The following BORCS8 variants were observed in gnomAD, a reference collection of about 807,000 sequenced individuals.
BORCS8 encodes BLOC-1-related complex subunit 8.
BORCS8 carries 13 observed loss-of-function variants against 18.7 expected under a neutral mutation model. The ratio of observed to expected loss-of-function variants is 0.70; its 90% CI spans 0.45 to 1.11. The LOEUF is 1.11. Among genes scored for constraint, BORCS8 ranks in the 50% least tolerant of loss-of-function variants. BORCS8 has a pLI of 0.00. For synonymous variants in BORCS8, 68 were observed against 64.8 expected, an observed-to-expected ratio of 1.05 and a Z score of -0.24; for missense variants, 165 against 165.7, an observed-to-expected ratio of 1.00 and a Z score of 0.02.
At position 19,182,500 on chromosome 19, in the gene BORCS8, G is replaced by T. The variant is rs967801938; in HGVS notation, c.326+73C>A. 116 of 1,505,110 alleles carry T rather than the reference G, an allele frequency of 7.7e-5. No individual in the cohort carries two copies. Among genetic ancestry groups the T allele is most frequent in the Non-Finnish European group, 9.3e-5 (105 of 1,127,144 alleles). The allele number at this position is 1,505,110 out of a possible 1,614,324, so 93.2% of individuals were successfully genotyped here. A position where few individuals can be genotyped will look rare whatever the true frequency, so the allele number is the denominator to read the frequency against. On this transcript the variant is annotated intron_variant, in intron 4 of 5. Coordinates refer to ENST00000462790, the MANE Select transcript of BORCS8 (RefSeq NM_001145784.2). This position sits in a 1 kb window ranked among gnomAD's most constrained non-coding sequence, Gnocchi z 4.1. ...AGTTTTCTAATAAGCGAGAAGCAGC[G>T]GTTCCCAGCGCAGCTGAGAGACGGT...
rs1157078292 is a variant in BORCS8, at chr19:19,182,763, C to G, written c.216-80G>C. 1.4e-6 allele frequency: 2 copies of G among 1,462,370 alleles called. No homozygotes were observed. The highest frequency in any genetic ancestry group is 1.8e-6 in the Non-Finnish European group (2 of 1,101,536). 90.6% of individuals were successfully genotyped at this position (1,462,370 alleles called of 1,614,324 possible). A position where few individuals can be genotyped will look rare whatever the true frequency, so the allele number is the denominator to read the frequency against. ...ACACCCCAGCACTTGAGGTCACCAC[C>G]AGGGCTCGGTGGGTACCTCAGTGAT... is the stretch of plus-strand genomic sequence containing the variant. On this transcript the variant is annotated intron_variant, in intron 3 of 5. Transcript: ENST00000462790. The surrounding 1 kb of genome is among the most constrained non-coding windows in gnomAD (Gnocchi z 4.1).
chr19:19,180,639 T>C, intron 5 of BORCS8, 47 bp downstream of exon 5: 2 of 1,336,450 alleles, frequency 1.5e-6, no homozygotes, highest in Non-Finnish European at 2.1e-6. Context: ...GGCGGGTTGG[T>C]TAGTTCAGAG....
At chr19:19,180,538 C>A in intron 5 of BORCS8, 148 bp downstream of exon 5, 1 of 660,082 alleles carries the variant, frequency 1.5e-6, no homozygotes, top group Admixed American at 2.2e-5. Flanking sequence ...CTGCAGACAC[C>A]CCTCCACCTG....
intron 3 of BORCS8, among the ~76,000 whole-genome samples, chr19:19,185,187 C>T (rs1269680286): frequency 6.6e-6 from 1 of 152,238 alleles, no homozygotes; most frequent in Non-Finnish European, 1.5e-5. Context: ...CACAACCAAA[C>T]AGCAACACAC....
chr19:19,186,920 G>C lies in BORCS8; in HGVS notation c.123C>G (p.Arg41=). The C allele has an allele frequency of 6.4e-7, 1 of 1,550,750 alleles. No homozygotes were observed. The highest frequency in any genetic ancestry group is 8.7e-7 in the Non-Finnish European group (1 of 1,146,818). The stretch of plus-strand genomic sequence containing the variant: ...TGTGCTGGGCCAGCTCGGGGAGGGA[G>C]CGACGCACATGCTCCTGCAGCCGGT... ...ALYRLQEHVR[R]SLPELAQHKA... Residue 41 remains arginine, a synonymous_variant, in exon 2 of 6, where the codon CGC becomes CGG. Transcript: ENST00000462790.
intron 3 of BORCS8, among the ~76,000 whole-genome samples, chr19:19,184,161 G>GT (rs1555778158): frequency 6.6e-6 from 1 of 152,034 alleles, no homozygotes; most frequent in Non-Finnish European, 1.5e-5. Flanking sequence ...GATTACTGGC[G>GT]TGAGTCACTG....
At chr19:19,181,307 C>T (rs569875134) in intron 4 of BORCS8, among the ~76,000 whole-genome samples, 39 of 150,814 alleles carry the variant, frequency 2.6e-4, no homozygotes, top group Non-Finnish European at 4.4e-4. Flanking sequence ...TGAGACCAGC[C>T]CAGGGAATGT....
intron 3 of BORCS8, among the ~76,000 whole-genome samples, chr19:19,185,345 G>C (rs575641875): frequency 6.6e-6 from 1 of 152,322 alleles, no homozygotes; most frequent in South Asian, 2.1e-4. Context: ...TGGGAATACA[G>C]TCACGAGGAA....
At position 19,182,303 on chromosome 19, in the gene BORCS8, G is replaced by A. The variant is rs988286274; in HGVS notation, c.326+270C>T. On this transcript the variant is annotated intron_variant, in intron 4 of 5. Transcript: ENST00000462790. The surrounding 1 kb of genome is among the most constrained non-coding windows in gnomAD (Gnocchi z 4.1). ...TGTCTGCCATGTTTACCTGGTTGTC[G>A]TATGTCTCCTTGTGAGCCTGTCTGT... 2.7e-5 allele frequency: 20 copies of A among 753,954 alleles called. 1 individual carries two copies. The highest frequency in any genetic ancestry group is 3.6e-5 in the Non-Finnish European group (20 of 552,718). 46.7% of individuals were successfully genotyped at this position (753,954 alleles called of 1,614,324 possible).
At position 19,192,129 on chromosome 19, in the gene BORCS8, CCGAG is replaced by C. The variant is rs1191913328; in HGVS notation, c.-16_-13del. On this transcript the variant is annotated 5_prime_UTR_variant, in exon 1 of 6. Transcript: ENST00000462790. ...TCCGGCTCCTCCATAGCGACCGCGGCCGAGCGAACCGGGAAACGGCACCGGAAGC... is the reference window on the plus strand; with the variant it reads ...TCCGGCTCCTCCATAGCGACCGCGGCCGAACCGGGAAACGGCACCGGAAGC... 6.4e-7 allele frequency: 1 copy of C among 1,551,250 alleles called. No homozygotes were observed. Among genetic ancestry groups the C allele is most frequent in the East Asian group, 2.4e-5 (1 of 40,908 alleles).
Position 19,182,578 on chromosome 19 carries a change from G to A in BORCS8, c.321C>T (p.Gly107=). The change falls in exon 4 of 6, where the codon GGC becomes GGT. Residue 107 remains glycine (G), a synonymous_variant. Transcript: ENST00000462790. The surrounding 1 kb of genome is among the most constrained non-coding windows in gnomAD (Gnocchi z 4.1). ...CGGGCGGTCCCAGGAGCTACCTGTG[G>A]CCCTGGGCACTGGCATTCATATGGT... ...IRDHMNASAQ[G]HSPEEPPPPS... 1 of 1,550,698 alleles carries A rather than the reference G, an allele frequency of 6.4e-7. No homozygotes were observed. The highest frequency in any genetic ancestry group is 8.7e-7 in the Non-Finnish European group (1 of 1,146,864).
chr19:19,181,851 G>A (rs1237072751), intron 4 of BORCS8: 5 of 985,136 alleles, frequency 5.1e-6, no homozygotes, highest in South Asian at 4.7e-5. Flanking sequence ...ATCCCAAGGC[G>A]ACATTCCTGC....
At chr19:19,191,537 G>A (rs1258792296) in intron 1 of BORCS8, among the ~76,000 whole-genome samples, 2 of 147,188 alleles carry the variant, frequency 1.4e-5, no homozygotes, top group Non-Finnish European at 3.0e-5. Flanking sequence ...CGATTACTAC[G>A]CCCCGGGGAT....
At chr19:19,186,456 C>A (rs1302821239) in intron 2 of BORCS8, among the ~76,000 whole-genome samples, 1 of 152,200 alleles carries the variant, frequency 6.6e-6, no homozygotes, top group Non-Finnish European at 1.5e-5. Flanking sequence ...TGAGAGGGAC[C>A]AGGTGGAGAC....
chr19:19,182,891 C>T lies in BORCS8; in HGVS notation c.216-208G>A, dbSNP rs1380605714. Among the ~76,000 whole-genome samples the T allele has an allele frequency of 6.6e-6, 1 of 152,174 alleles. No homozygotes were observed. Among genetic ancestry groups the T allele is most frequent in the African/African-American group, 2.4e-5 (1 of 41,436 alleles). ...CACAGCACATTCTCTGCCACTGAAA[C>T]ATCTAATGTTTTGAAGGAGGGATCA... On this transcript the variant is annotated intron_variant, in intron 3 of 5. Transcript: ENST00000462790. This position sits in a 1 kb window ranked among gnomAD's most constrained non-coding sequence, Gnocchi z 4.1.
intron 4 of BORCS8, chr19:19,181,822 A>G (rs1455642957): frequency 7.1e-6 from 7 of 981,512 alleles, no homozygotes; most frequent in Admixed American, 6.2e-5. Flanking sequence ...CAGAACCCCA[A>G]TCTGTGGGAG....
At position 19,182,390 on chromosome 19, in the gene BORCS8, C is replaced by A. The variant is rs2060357643; in HGVS notation, c.326+183G>T. ...GCCAGGCACACAGCAGAGCGCAGGA[C>A]CTCGGTATTAAGTGACTGAACTCAG... On this transcript the variant is annotated intron_variant, in intron 4 of 5. Transcript: ENST00000462790. The surrounding 1 kb of genome is among the most constrained non-coding windows in gnomAD (Gnocchi z 4.1). 2 of 1,397,706 alleles carry A rather than the reference C, an allele frequency of 1.4e-6. No individual in the cohort carries two copies. The highest frequency in any genetic ancestry group is 3.0e-5 in the South Asian group (2 of 65,900). The allele number at this position is 1,397,706 out of a possible 1,614,324, so 86.6% of individuals were successfully genotyped here.
intron 1 of BORCS8, among the ~76,000 whole-genome samples, chr19:19,189,978 C>T (rs911621082): frequency 6.6e-6 from 1 of 152,034 alleles, no homozygotes; most frequent in Non-Finnish European, 1.5e-5. Context: ...TACAGCAGAG[C>T]TCTAAACACT....
At position 19,182,439 on chromosome 19, in the gene BORCS8, G is replaced by A. The variant is rs2060358122; in HGVS notation, c.326+134C>T. ...AGGTTATAGATGCCACAGGACAAGA[G>A]GAGGTCACCAGACACCAGGACAAAA... is the stretch of plus-strand genomic sequence containing the variant. On this transcript the variant is annotated intron_variant, in intron 4 of 5. Coordinates refer to ENST00000462790, the MANE Select transcript of BORCS8 (RefSeq NM_001145784.2). This position sits in a 1 kb window ranked among gnomAD's most constrained non-coding sequence, Gnocchi z 4.1. 1 of 1,442,842 alleles carries A rather than the reference G, an allele frequency of 6.9e-7. No individual in the cohort carries two copies. The highest frequency in any genetic ancestry group is 1.4e-5 in the African/African-American group (1 of 69,978). 89.4% of individuals were successfully genotyped at this position (1,442,842 alleles called of 1,614,324 possible).
Sources: gnomAD v4.1 joint callset for allele counts (sites outside exome capture counted in the v4.1 genomes callset) on GRCh38, gnomAD v4.1.1 for gene constraint, Gnocchi (gnomAD v3.1) non-coding constraint, MANE v1.5 for transcripts, NCBI Gene and HGNC (gene_info 2026-07-23, HGNC 2026-07-21) for gene names.